The following OSBP2 variants were observed in gnomAD, a reference collection of about 807,000 sequenced individuals.
The protein encoded by OSBP2 is oxysterol binding protein 2, also known as oxysterol-binding protein 2.
OSBP2 carries 66 observed loss-of-function variants against 96.0 expected under a neutral mutation model. The ratio of observed to expected loss-of-function variants is 0.69; its 90% CI spans 0.56 to 0.84. The LOEUF (loss-of-function observed/expected upper bound fraction) is 0.84, where lower values mean the gene tolerates loss of function less well. Ranked by LOEUF, OSBP2 falls within the 40% of genes least tolerant of loss-of-function variation. The probability of loss-of-function intolerance (pLI) is 0.00; values close to 1 mark genes in which losing one functional copy is unlikely to be tolerated. For missense variants in OSBP2, 1,038 were observed against 1,222.7 expected (o/e 0.85, Z 2.25); for synonymous variants, 525 against 520.9 (o/e 1.01, Z -0.11).
chr22:30,866,233 G>T (rs946869061), intron 2 of OSBP2, among the ~76,000 whole-genome samples: 3 of 152,198 alleles, frequency 2.0e-5, no homozygotes, highest in Non-Finnish European at 2.9e-5. Context: ...ACCCAGGTGG[G>T]CCCAGCACAA....
At chr22:30,897,114 T>C (rs751008509) in intron 12 of OSBP2, among the ~76,000 whole-genome samples, 1 of 152,192 alleles carries the variant, frequency 6.6e-6, no homozygotes, top group African/African-American at 2.4e-5. Flanking sequence ...AAAAGCATTA[T>C]TAAGGAAGGG....
chr22:30,741,448 T>G, intron 2 of OSBP2, 79 bp downstream of exon 2: 1 of 1,216,674 alleles, frequency 8.2e-7, no homozygotes, highest in Non-Finnish European at 1.1e-6. Flanking sequence ...AAGCCACTGG[T>G]GGGCAGTGGT....
At chr22:30,828,122 A>G (rs1295536239) in intron 2 of OSBP2, among the ~76,000 whole-genome samples, 1 of 152,176 alleles carries the variant, frequency 6.6e-6, no homozygotes, top group Non-Finnish European at 1.5e-5. Context: ...GGGAATACAG[A>G]GAGGTGATCT....
At position 30,797,871 on chromosome 22, in the gene OSBP2, G is replaced by A. The variant is rs144513708; in HGVS notation, c.853+56502G>A. Among the ~76,000 whole-genome samples the A allele has an allele frequency of 8.4e-3, 1,285 of 152,284 alleles. 6 individuals are homozygous for A. Among genetic ancestry groups the A allele is most frequent in the Non-Finnish European group, 0.014 (940 of 68,032 alleles). ...GGTCTCCCAAAGTGCTAGGATTACA[G>A]GTGTGAGCCACCATACCCAGCCAAT... On this transcript the variant is annotated intron_variant, in intron 2 of 13. Coordinates refer to ENST00000332585, the MANE Select transcript of OSBP2 (RefSeq NM_030758.4).
chr22:30,822,596 C>T, intron 2 of OSBP2: 2 of 1,523,694 alleles, frequency 1.3e-6, no homozygotes, highest in South Asian at 1.2e-5. Context: ...CGCCATGTAG[C>T]GCCCCGCCGA....
At chr22:30,858,129 TTG>T in intron 2 of OSBP2, among the ~76,000 whole-genome samples, 2 of 128,580 alleles carry the variant, frequency 1.6e-5, no homozygotes, top group Admixed American at 7.5e-5. Context: ...TGTTTTTTTT[TTG>T]TTTGTTTGTT....
At chr22:30,788,475 G>A (rs2090627662) in intron 2 of OSBP2, among the ~76,000 whole-genome samples, 1 of 152,142 alleles carries the variant, frequency 6.6e-6, no homozygotes, top group South Asian at 2.1e-4. Context: ...TGGGGCAGCT[G>A]ACAGACCAGC....
Position 30,881,807 on chromosome 22 carries a change from G to A in OSBP2, c.1108-5619G>A, listed in dbSNP as rs774441872. 3.1e-6 allele frequency: 4 copies of A among 1,304,116 alleles called. No homozygotes were observed. The highest frequency in any genetic ancestry group is 1.1e-4 in the East Asian group (2 of 18,036). 80.8% of individuals were successfully genotyped at this position (1,304,116 alleles called of 1,614,324 possible). ...GGAGTCAGGGATGGACACCAGGTGG[G>A]TGCATCCGGGCTGGGGGAGGTGGAC... On this transcript the variant is annotated intron_variant, in intron 3 of 13. Coordinates refer to ENST00000332585, the MANE Select transcript of OSBP2 (RefSeq NM_030758.4). The surrounding 1 kb of genome is among the most constrained non-coding windows in gnomAD (Gnocchi z 4.5).
chr22:30,770,731 G>GGT, intron 2 of OSBP2: 1 of 152,762 alleles, frequency 6.5e-6, no homozygotes, highest in South Asian at 2.1e-4. Context: ...GTTCTCTCCC[G>GGT]GTGTCCCCTC....
intron 2 of OSBP2, among the ~76,000 whole-genome samples, chr22:30,793,798 C>T (rs1280131795): frequency 1.3e-5 from 2 of 152,034 alleles, no homozygotes; most frequent in Admixed American, 6.5e-5. Flanking sequence ...GCTATGGTTG[C>T]ACCACTGCAT....
At chr22:30,853,070 A>G (rs1240452626) in intron 2 of OSBP2, among the ~76,000 whole-genome samples, 1 of 152,226 alleles carries the variant, frequency 6.6e-6, no homozygotes, top group Non-Finnish European at 1.5e-5. Flanking sequence ...TATTGTTGAA[A>G]AGAATGTGTG....
chr22:30,727,524 C>T (rs558965206), intron 1 of OSBP2, among the ~76,000 whole-genome samples: 7 of 152,180 alleles, frequency 4.6e-5, no homozygotes, highest in South Asian at 4.2e-4. Flanking sequence ...GGCTGGACAG[C>T]GAGCTCTGTG....
At chr22:30,769,555 A>T (rs968266205) in intron 2 of OSBP2, among the ~76,000 whole-genome samples, 1 of 152,200 alleles carries the variant, frequency 6.6e-6, no homozygotes, top group Non-Finnish European at 1.5e-5. Flanking sequence ...AGGCTGAGGC[A>T]GGAGAATCAC....
At chr22:30,812,988 T>G (rs1027320005) in intron 2 of OSBP2, among the ~76,000 whole-genome samples, 1 of 152,200 alleles carries the variant, frequency 6.6e-6, no homozygotes, top group African/African-American at 2.4e-5. Context: ...TTATTCTAGC[T>G]ATGGTTATTT....
chr22:30,741,820 A>G (rs906337746), intron 2 of OSBP2, among the ~76,000 whole-genome samples: 11 of 150,018 alleles, frequency 7.3e-5, no homozygotes, highest in African/African-American at 2.3e-4. Context: ...CTTACTTTAT[A>G]AATTTATTTT....
Position 30,893,680 on chromosome 22 carries a change from T to G in OSBP2, c.2137T>G (p.Cys713Gly), listed in dbSNP as rs2040004819. The G allele has an allele frequency of 6.2e-7, 1 of 1,614,026 alleles. No homozygotes were observed. Among genetic ancestry groups the G allele is most frequent in the Admixed American group, 1.7e-5 (1 of 60,004 alleles). The stretch of plus-strand genomic sequence containing the variant: ...TGTGAACCATAAGACCAATGACCGG[T>G]GCCAGCTGAAGTTCCTGCCCTACAG... ...EIVNHKTNDR[C>G]QLKFLPYSYF... Residue 713 changes from cysteine to glycine, a missense_variant, in exon 11 of 14, where the codon TGC becomes GGC. Coordinates refer to ENST00000332585, the MANE Select transcript of OSBP2 (RefSeq NM_030758.4).
intron 2 of OSBP2, among the ~76,000 whole-genome samples, chr22:30,853,961 G>A (rs1311876630): frequency 1.3e-5 from 2 of 151,780 alleles, no homozygotes; most frequent in African/African-American, 2.4e-5. Context: ...GGGTTTCACC[G>A]TGTTAGCCAG....
rs2147135130 is a variant in OSBP2 at position 30,881,652 on chromosome 22, T to A, written c.1108-5774T>A. ...GCCGGGCCCCAAGCCTAATCCAGCT[T>A]ATCAAGCACACAGCACACAGCCCAG... On this transcript the variant is annotated intron_variant, in intron 3 of 13. Transcript: ENST00000332585. The surrounding 1 kb of genome is among the most constrained non-coding windows in gnomAD (Gnocchi z 4.5). 7.7e-7 allele frequency: 1 copy of A among 1,301,750 alleles called. No homozygotes were observed. The highest frequency in any genetic ancestry group is 1.2e-5 in the South Asian group (1 of 80,972). The allele number at this position is 1,301,750 out of a possible 1,614,324, so 80.6% of individuals were successfully genotyped here.
At chr22:30,706,893 G>A (rs763885021) in intron 1 of OSBP2, among the ~76,000 whole-genome samples, 1 of 152,092 alleles carries the variant, frequency 6.6e-6, no homozygotes, top group Admixed American at 6.6e-5. Context: ...TTCCTGCAAC[G>A]ATCTGGAGGA....
Sources: gnomAD v4.1 joint callset for allele counts (sites outside exome capture counted in the v4.1 genomes callset) on GRCh38, gnomAD v4.1.1 for gene constraint, Gnocchi (gnomAD v3.1) non-coding constraint, MANE v1.5 for transcripts, NCBI Gene and HGNC (gene_info 2026-07-23, HGNC 2026-07-21) for gene names.